Variants in DSCAML1 observed in about 807,000 individuals in gnomAD.
The protein encoded by DSCAML1 is DS cell adhesion molecule like 1.
Under a neutral mutation model 200.5 loss-of-function variants are expected in DSCAML1, and 38 were observed. That is an observed-to-expected ratio of 0.19 (90% CI 0.15 to 0.25). The LOEUF (loss-of-function observed/expected upper bound fraction) is 0.25, where lower values mean the gene tolerates loss of function less well. DSCAML1 is among the 10% of genes least tolerant of loss of function. DSCAML1 has a pLI of 1.00. For synonymous variants in DSCAML1, 1,215 were observed against 1,165.0 expected, an observed-to-expected ratio of 1.04 and a Z score of -0.87; for missense variants, 2,223 against 2,858.8, an observed-to-expected ratio of 0.78 and a Z score of 5.07.
chr11:117,441,319 T>G (rs529203111), intron 21 of DSCAML1, among the ~76,000 whole-genome samples: 149 of 152,250 alleles, frequency 9.8e-4, no homozygotes, highest in African/African-American at 3.5e-3. Context: ...AGACCACAGG[T>G]GGGTGCGTGT....
chr11:117,524,667 G>A, intron 5 of DSCAML1, 138 bp downstream of exon 5: 3 of 1,101,960 alleles, frequency 2.7e-6, no homozygotes, highest in Non-Finnish European at 3.8e-6. Context: ...CAGGATACCA[G>A]ACTGCCTTCC....
At chr11:117,635,803 T>C (rs1045143202) in intron 3 of DSCAML1, among the ~76,000 whole-genome samples, 1 of 152,090 alleles carries the variant, frequency 6.6e-6, no homozygotes, top group African/African-American at 2.4e-5. Context: ...GGTGATGTAG[T>C]GAAGTCATAA....
intron 3 of DSCAML1, among the ~76,000 whole-genome samples, chr11:117,594,992 T>G (rs2051333616): frequency 6.6e-6 from 1 of 151,972 alleles, no homozygotes; most frequent in Non-Finnish European, 1.5e-5. Context: ...ACTGTTCTGT[T>G]TTGCATTTCT....
chr11:117,435,553 T>A, intron 27 of DSCAML1, 91 bp downstream of exon 27: 1 of 1,443,002 alleles, frequency 6.9e-7, no homozygotes, highest in African/African-American at 1.4e-5. Flanking sequence ...CTCTGTATCA[T>A]CCAGATGGTG....
intron 3 of DSCAML1, among the ~76,000 whole-genome samples, chr11:117,645,496 C>T (rs1020870142): frequency 1.3e-5 from 2 of 151,736 alleles, no homozygotes; most frequent in Non-Finnish European, 2.9e-5. Flanking sequence ...AATTATATAC[C>T]CTTTGCCCAC....
chr11:117,467,199 C>G (rs2048599409), intron 16 of DSCAML1, among the ~76,000 whole-genome samples: 1 of 133,262 alleles, frequency 7.5e-6, no homozygotes, highest in African/African-American at 3.1e-5. Flanking sequence ...ACACACCTCC[C>G]CCCTCCCCCC....
chr11:117,444,120 C>CA, intron 20 of DSCAML1, 81 bp from the exon 21 acceptor site: 1 of 1,487,148 alleles, frequency 6.7e-7, no homozygotes, highest in Non-Finnish European at 9.0e-7. Context: ...GCCCGGGGCT[C>CA]AGAGGAGAGG....
At chr11:117,517,315 G>A (rs549166303) in intron 7 of DSCAML1, among the ~76,000 whole-genome samples, 9 of 152,316 alleles carry the variant, frequency 5.9e-5, no homozygotes, top group Non-Finnish European at 1.2e-4. Context: ...TGATAGTGCT[G>A]GCTGGGGAGA....
rs116039045 is a variant in DSCAML1 at position 117,696,700 on chromosome 11, A to T, written c.511+80091T>A. Among the ~76,000 whole-genome samples the T allele has an allele frequency of 3.9e-3, 595 of 152,156 alleles. 4 individuals carry two copies. The highest frequency in any genetic ancestry group is 0.014 in the African/African-American group (579 of 41,504). On this transcript the variant is annotated intron_variant, in intron 3 of 32. Transcript: ENST00000651296. ...CAGTGCTTAGCAGGGTGCCTGATACAGTGGAGAGTTTCCCAAGCGTCTATT... is the reference window on the plus strand; with the variant it reads ...CAGTGCTTAGCAGGGTGCCTGATACTGTGGAGAGTTTCCCAAGCGTCTATT...
In DSCAML1 at chr11:117,481,980, C is replaced by T; in HGVS notation, c.2542G>A (p.Val848Ile). 2 of 1,614,108 alleles carry T rather than the reference C, an allele frequency of 1.2e-6. No homozygotes were observed. Among genetic ancestry groups the T allele is most frequent in the Non-Finnish European group, 1.7e-6 (2 of 1,179,998 alleles). ...AIATKDNGDE[V>I]VSTLKLKPAD... is the part of the protein sequence containing the mutation. ...GTGCTCACCTTCAGTGTGGAGACGA[C>T]CTCGTCGCCGTTGTCCTTGGTGGCG... is the stretch of plus-strand genomic sequence containing the variant. Residue 848 changes from valine to isoleucine, a missense_variant, in exon 12 of 33, where the codon GTC (valine) becomes ATC (isoleucine). Around this residue, in one of 7 missense-constraint regions of DSCAML1, gnomAD observed 438 missense variants for 629.7 expected, o/e 0.70. Coordinates refer to ENST00000651296, the MANE Select transcript of DSCAML1 (RefSeq NM_020693.4).
At chr11:117,442,235 C>T (rs111073494) in intron 21 of DSCAML1, among the ~76,000 whole-genome samples, 19 of 134,346 alleles carry the variant, frequency 1.4e-4, no homozygotes, top group African/African-American at 3.2e-4. Flanking sequence ...TGTGTGTGTG[C>T]GTGTGTATGC....
In DSCAML1 at chr11:117,581,025, T is replaced by C. The variant is rs147897317; in HGVS notation, c.512-48503A>G. ...CAGTCATTCTTATGCAAAAATGACT[T>C]GGTGAGCCAACGAGGTAGAATGTTT... is the stretch of plus-strand genomic sequence containing the variant. On this transcript the variant is annotated intron_variant, in intron 3 of 32. Coordinates refer to ENST00000651296, the MANE Select transcript of DSCAML1 (RefSeq NM_020693.4). Among the ~76,000 whole-genome samples, 3 of 152,316 alleles carry C rather than the reference T, an allele frequency of 2.0e-5. No homozygotes were observed. The East Asian group carries it at 5.8e-4, about 29-fold the overall frequency.
intron 1 of DSCAML1, among the ~76,000 whole-genome samples, chr11:117,782,855 T>G (rs1307221197): frequency 1.3e-5 from 2 of 151,792 alleles, no homozygotes. Flanking sequence ...AGTATCCCAG[T>G]GTACAGATGA....
At chr11:117,583,086 C>T (rs1317942) in intron 3 of DSCAML1, among the ~76,000 whole-genome samples, 10,042 of 151,558 alleles carry the variant, frequency 0.066, 1,112 homozygotes, top group African/African-American at 0.23. Flanking sequence ...GACATTTATG[C>T]AAGGTCACCC....
Position 117,797,193 on chromosome 11 carries a change from T to A in DSCAML1, c.-114A>T. ...CCCGCACTCGGCGCCCCGCTCTCTC[T>A]GCTCCTCAGCCCAGCGCTCGGCTGC... On this transcript the variant is annotated 5_prime_UTR_variant, in exon 1 of 33. Coordinates refer to ENST00000651296, the MANE Select transcript of DSCAML1 (RefSeq NM_020693.4). 6.4e-7 allele frequency: 1 copy of A among 1,550,848 alleles called. No individual in the cohort carries two copies. The highest frequency in any genetic ancestry group is 8.7e-7 in the Non-Finnish European group (1 of 1,150,348).
chr11:117,429,863 C>T (rs1047050686), intron 32 of DSCAML1, among the ~76,000 whole-genome samples: 10 of 152,204 alleles, frequency 6.6e-5, no homozygotes, highest in African/African-American at 2.2e-4. Flanking sequence ...TACCTGTCTG[C>T]ACTTTACAAG....
intron 3 of DSCAML1, among the ~76,000 whole-genome samples, chr11:117,740,206 G>C (rs930669324): frequency 6.6e-6 from 1 of 152,102 alleles, no homozygotes; most frequent in South Asian, 2.1e-4. Flanking sequence ...TCATGGCAAT[G>C]GTTCTGTGGG....
At chr11:117,602,383 C>T (rs1459857875) in intron 3 of DSCAML1, among the ~76,000 whole-genome samples, 1 of 152,176 alleles carries the variant, frequency 6.6e-6, no homozygotes, top group Non-Finnish European at 1.5e-5. Flanking sequence ...TATTTAGAGA[C>T]TGGGTCTCAC....
At chr11:117,624,051 C>G (rs1591333466) in intron 3 of DSCAML1, among the ~76,000 whole-genome samples, 1 of 152,216 alleles carries the variant, frequency 6.6e-6, no homozygotes, top group Non-Finnish European at 1.5e-5. Context: ...GGAGGGAGAG[C>G]TCTCTGTGCA....
Sources: gnomAD v4.1 joint callset for allele counts (sites outside exome capture counted in the v4.1 genomes callset) on GRCh38, gnomAD v4.1.1 for gene constraint, gnomAD v4.1.1 regional missense constraint, MANE v1.5 for transcripts, NCBI Gene and HGNC (gene_info 2026-07-23, HGNC 2026-07-21) for gene names.